Variants in GALNT14 observed in about 807,000 individuals in gnomAD.
The protein encoded by GALNT14 is UDP-GalNAc:polypeptide N-acetylgalactosaminyltransferase 14.
In GALNT14, 60 loss-of-function variants were observed where a neutral mutation model predicts 77.5. That is an observed-to-expected ratio of 0.77 (90% CI 0.63 to 0.96). The LOEUF is 0.96. Ranked by LOEUF, GALNT14 falls within the 40% of genes least tolerant of loss-of-function variation. The pLI, the probability that GALNT14 is intolerant of heterozygous loss-of-function variation, is 0.00. For synonymous variants in GALNT14, 280 were observed against 281.7 expected (o/e 0.99, Z 0.06); for missense variants, 710 against 731.0 (o/e 0.97, Z 0.33).
At chr2:30,956,991 C>G (rs139481479) in intron 4 of GALNT14, among the ~76,000 whole-genome samples, 29 of 152,320 alleles carry the variant, frequency 1.9e-4, no homozygotes, top group South Asian at 1.2e-3. Context: ...CTCCACCATA[C>G]AGGAAACCCC....
In GALNT14 at chr2:30,955,663, C is replaced by T; in HGVS notation, c.609G>A (p.Glu203=). 1 of 1,614,236 alleles carries T rather than the reference C, an allele frequency of 6.2e-7. No homozygotes were observed. Among genetic ancestry groups the T allele is most frequent in the Non-Finnish European group, 8.5e-7 (1 of 1,180,044 alleles). ...GAGGCTGGAGCCAGTCCCTGTTCAC[C>T]TCACAGTGGCTGTCGAGGAAAGTCA... is the stretch of plus-strand genomic sequence containing the variant. ...TTLTFLDSHC[E]VNRDWLQPLL... The change falls in exon 6 of 15, where the codon GAG becomes GAA. Residue 203 remains glutamate (E), a synonymous_variant. Coordinates refer to ENST00000349752, the MANE Select transcript of GALNT14 (RefSeq NM_024572.4).
At chr2:30,976,273 C>T (rs1285154411) in intron 2 of GALNT14, among the ~76,000 whole-genome samples, 1 of 152,164 alleles carries the variant, frequency 6.6e-6, no homozygotes, top group Admixed American at 6.5e-5. Flanking sequence ...TGTACTGACT[C>T]GTGCAATCTG....
At chr2:31,116,159 C>G (rs1359741803) in intron 1 of GALNT14, among the ~76,000 whole-genome samples, 1 of 151,896 alleles carries the variant, frequency 6.6e-6, no homozygotes, top group Non-Finnish European at 1.5e-5. Context: ...AGATAACAGT[C>G]AGCATAGATG....
At chr2:30,929,588 C>A in intron 10 of GALNT14, 101 bp from the exon 11 acceptor site, 1 of 815,814 alleles carries the variant, frequency 1.2e-6, no homozygotes, top group Non-Finnish European at 2.0e-6. Context: ...GTTGGCAACA[C>A]CACCTAGGTG....
chr2:31,129,594 C>T, intron 1 of GALNT14: 2 of 985,366 alleles, frequency 2.0e-6, no homozygotes, highest in Non-Finnish European at 1.2e-6. Flanking sequence ...AACAATAAGC[C>T]TGAAATACAG....
At chr2:30,891,958 G>C in the GALNT14 span, among the ~76,000 whole-genome samples, 3 of 152,222 alleles carry the variant, frequency 2.0e-5, no homozygotes, top group East Asian at 5.8e-4. Context: ...TCCCAGGCAG[G>C]AAACCAATAG....
chr2:31,082,800 A>G (rs968807491), intron 1 of GALNT14, among the ~76,000 whole-genome samples: 19 of 152,172 alleles, frequency 1.2e-4, no homozygotes, highest in African/African-American at 4.6e-4. Flanking sequence ...TGGGTGGATC[A>G]TGAGGTCAAA....
At chr2:31,016,394 T>C (rs1671362214) in intron 1 of GALNT14, among the ~76,000 whole-genome samples, 2 of 152,224 alleles carry the variant, frequency 1.3e-5, no homozygotes, top group South Asian at 4.2e-4. Context: ...CTCCAACGTA[T>C]GAATGGTAGA....
intron 1 of GALNT14, among the ~76,000 whole-genome samples, chr2:31,119,104 A>C (rs879073371): frequency 6.6e-6 from 1 of 152,188 alleles, no homozygotes. Context: ...GTTTAAGAAA[A>C]AAAAATCATA....
intron 14 of GALNT14, among the ~76,000 whole-genome samples, chr2:30,911,380 T>C (rs944808575): frequency 6.6e-6 from 1 of 152,094 alleles, no homozygotes; most frequent in Non-Finnish European, 1.5e-5. Flanking sequence ...CGATCCACAC[T>C]CAGCATCTGC....
chr2:30,938,380 A>ACTCT (rs1488002190), intron 9 of GALNT14, among the ~76,000 whole-genome samples: 4 of 144,350 alleles, frequency 2.8e-5, no homozygotes, highest in African/African-American at 1.2e-4. Context: ...ACACACACAC[A>ACTCT]CACACTCTCT....
chr2:30,990,283 A>G lies in GALNT14; in HGVS notation c.299+2555T>C, dbSNP rs368225822. On this transcript the variant is annotated intron_variant, in intron 2 of 14. Transcript: ENST00000349752. Reference sequence around the variant, plus strand: ...CCCCAGAACACAGGTCACCAGCAGCATTAGCTGTTCAGTTCTGAGGCAGAC... The same window carrying G: ...CCCCAGAACACAGGTCACCAGCAGCGTTAGCTGTTCAGTTCTGAGGCAGAC... Among the ~76,000 whole-genome samples the G allele has an allele frequency of 2.9e-3, 438 of 152,370 alleles. 13 individuals are homozygous for G. The South Asian group carries it at 0.049, about 17-fold the overall frequency.
downstream of GALNT14, among the ~76,000 whole-genome samples, chr2:30,910,023 A>T (rs1460095595): frequency 7.3e-6 from 1 of 137,656 alleles, no homozygotes; most frequent in East Asian, 2.1e-4. Context: ...GATCACATGG[A>T]CACAGGAAGG....
chr2:31,020,078 T>C (rs954412498), intron 1 of GALNT14, among the ~76,000 whole-genome samples: 1 of 152,158 alleles, frequency 6.6e-6, no homozygotes, highest in African/African-American at 2.4e-5. Context: ...CCCTGGCTTA[T>C]CTCAGCCATG....
chr2:31,137,950 C>A lies in GALNT14; in HGVS notation c.129+8G>T. On this transcript the variant is annotated splice_region_variant and intron_variant, in intron 1 of 14. Coordinates refer to ENST00000349752, the MANE Select transcript of GALNT14 (RefSeq NM_024572.4). ...CGCTCAGCGCCAGCGCGCCGGCAAG[C>A]CGCCTACCTTAGGGGTCTGCACTTC... is the stretch of plus-strand genomic sequence containing the variant. 6.2e-7 allele frequency: 1 copy of A among 1,608,122 alleles called. No individual in the cohort carries two copies. The highest frequency in any genetic ancestry group is 8.5e-7 in the Non-Finnish European group (1 of 1,177,182).
At position 31,125,332 on chromosome 2, in the gene GALNT14, T is replaced by A. The variant is rs545065583; in HGVS notation, c.129+12626A>T. On this transcript the variant is annotated intron_variant, in intron 1 of 14. Coordinates refer to ENST00000349752, the MANE Select transcript of GALNT14 (RefSeq NM_024572.4). ...AGCAGCATTGATTTCACAGAGATCT[T>A]ACCCCTCACAAAGACTCTGTGCCCA... 1.7e-5 allele frequency: 18 copies of A among 1,042,100 alleles called. No homozygotes were observed. In the African/African-American group the frequency reaches 1.7e-4, roughly 10 times the overall value. 64.6% of individuals were successfully genotyped at this position (1,042,100 alleles called of 1,614,324 possible).
chr2:31,117,380 T>C (rs893321989), intron 1 of GALNT14, among the ~76,000 whole-genome samples: 4 of 152,162 alleles, frequency 2.6e-5, no homozygotes, highest in Non-Finnish European at 5.9e-5. Context: ...GCAAAAGAAA[T>C]GTACAACCCT....
chr2:30,951,723 T>C (rs1050245335), intron 6 of GALNT14, among the ~76,000 whole-genome samples: 1 of 152,154 alleles, frequency 6.6e-6, no homozygotes, highest in Non-Finnish European at 1.5e-5. Context: ...GCAGTGGCCA[T>C]GGGGACTGAG....
intron 6 of GALNT14, among the ~76,000 whole-genome samples, chr2:30,951,988 C>T (rs578158935): frequency 9.2e-5 from 14 of 152,264 alleles, no homozygotes; most frequent in African/African-American, 3.1e-4. Flanking sequence ...TGCACTGCAC[C>T]GTGCCCTGGA....
Sources: gnomAD v4.1 joint callset for allele counts (sites outside exome capture counted in the v4.1 genomes callset) on GRCh38, gnomAD v4.1.1 for gene constraint, MANE v1.5 for transcripts, NCBI Gene and HGNC (gene_info 2026-07-23, HGNC 2026-07-21) for gene names.